JAKMIP3: variants seen among roughly 807,000 people sequenced by gnomAD.
JAKMIP3 encodes janus kinase and microtubule-interacting protein 3.
A neutral mutation model predicts 118.5 loss-of-function variants in JAKMIP3; 58 were observed. The observed-to-expected ratio is 0.49, with a 90% CI of 0.40 to 0.61. The LOEUF (loss-of-function observed/expected upper bound fraction) is 0.61, where lower values mean the gene tolerates loss of function less well. Ranked by LOEUF, JAKMIP3 falls within the 20% of genes least tolerant of loss-of-function variation. JAKMIP3 has a pLI of 0.00. For synonymous variants in JAKMIP3, 486 were observed against 451.2 expected (o/e 1.08, Z -0.98); for missense variants, 950 against 1,109.0 (o/e 0.86, Z 2.04).
Position 132,117,093 on chromosome 10 carries a change from G to A in JAKMIP3, c.152G>A (p.Arg51His), listed in dbSNP as rs371348426. The A allele has an allele frequency of 7.0e-5, 112 of 1,607,406 alleles. No homozygotes were observed. Among genetic ancestry groups the A allele is most frequent in the East Asian group, 9.0e-5 (4 of 44,692 alleles). ...QEKSKVSKVE[R>H]EKNQELRQVR... Reference sequence around the variant, plus strand: ...GTCTTTCAGGTCAGCAAAGTGGAACGCGAGAAGAACCAGGAGCTGCGGCAG... The same window carrying A: ...GTCTTTCAGGTCAGCAAAGTGGAACACGAGAAGAACCAGGAGCTGCGGCAG... The change falls in exon 3 of 24, where the codon CGC becomes CAC. Residue 51 changes from arginine to histidine, a missense_variant. Physicochemically the swap from Arg to His is conservative, Grantham distance 29. Coordinates refer to ENST00000684848, the MANE Select transcript of JAKMIP3 (RefSeq NM_001323087.2). The surrounding 1 kb of genome is among the most constrained non-coding windows in gnomAD (Gnocchi z 8.6).
intron 14 of JAKMIP3, among the ~76,000 whole-genome samples, 176 bp downstream of exon 14, chr10:132,148,226 C>T (rs539526831): frequency 2.8e-4 from 43 of 152,198 alleles, no homozygotes; most frequent in Non-Finnish European, 4.8e-4. Flanking sequence ...TCATACCGGC[C>T]GTCCAAACAT....
At chr10:132,045,749 T>C (rs935549392) in intron 1 of JAKMIP3, among the ~76,000 whole-genome samples, 1 of 151,752 alleles carries the variant, frequency 6.6e-6, no homozygotes, top group African/African-American at 2.4e-5. Context: ...GACAATATAG[T>C]AAGACCCCAT....
At chr10:132,104,586 G>C (rs10870251) in intron 1 of JAKMIP3, 86 bp from the exon 2 acceptor site, 4 of 565,696 alleles carry the variant, frequency 7.1e-6, no homozygotes, top group Non-Finnish European at 1.3e-5. Flanking sequence ...GGGGGTCCAC[G>C]TGCCCCTGCC....
chr10:132,164,446 A>G (rs996362348), intron 20 of JAKMIP3, among the ~76,000 whole-genome samples: 2 of 152,168 alleles, frequency 1.3e-5, no homozygotes, highest in African/African-American at 4.8e-5. Flanking sequence ...CAGGAATTGG[A>G]AGGATATTGT....
At position 132,182,914 on chromosome 10, in the gene JAKMIP3, G is replaced by C. The variant is rs2061604895; in HGVS notation, c.*1661G>C. On this transcript the variant is annotated 3_prime_UTR_variant, in exon 24 of 24. Transcript: ENST00000684848. ...GGCTGCAGGATTTTTGCTGGAAAAT[G>C]CACTATTAATCAGCACTTGTCCAAG... 1 of 152,082 alleles carries C rather than the reference G, an allele frequency of 6.6e-6. No individual in the cohort carries two copies. Among genetic ancestry groups the C allele is most frequent in the African/African-American group, 2.4e-5 (1 of 41,400 alleles). The allele number at this position is 152,082 out of a possible 1,614,324, so 9.4% of individuals were successfully genotyped here. A position where few individuals can be genotyped will look rare whatever the true frequency, so the allele number is the denominator to read the frequency against.
At chr10:132,038,478 C>T (rs1335241905) in intron 1 of JAKMIP3, among the ~76,000 whole-genome samples, 1 of 152,100 alleles carries the variant, frequency 6.6e-6, no homozygotes, top group African/African-American at 2.4e-5. Context: ...AAAAAGACGA[C>T]ACAAAAGAAA....
chr10:132,138,063 T>A, intron 8 of JAKMIP3, 56 bp from the exon 9 acceptor site: 1 of 1,528,708 alleles, frequency 6.5e-7, no homozygotes, highest in Non-Finnish European at 9.0e-7. Context: ...AACCGTGGAC[T>A]GAAACCGGTG....
upstream of JAKMIP3, among the ~76,000 whole-genome samples, chr10:132,060,893 G>A (rs1333485075): frequency 6.6e-6 from 1 of 152,102 alleles, no homozygotes; most frequent in Non-Finnish European, 1.5e-5. Context: ...GGTGGTGGGT[G>A]CCTGTAATCC....
In JAKMIP3 at chr10:132,167,063, T is replaced by G. The variant is rs1181317889; in HGVS notation, c.*22+8T>G. The G allele has an allele frequency of 1.9e-6, 3 of 1,542,194 alleles. No individual in the cohort carries two copies. The African/African-American group carries it at 4.1e-5, about 21-fold the overall frequency. ...TCTTGGCACCCTGACGTGGTGAGTATTTCGTTGGCAGGGCCCAGCAGGGGT... is the reference window on the plus strand; with the variant it reads ...TCTTGGCACCCTGACGTGGTGAGTAGTTCGTTGGCAGGGCCCAGCAGGGGT... On this transcript the variant is annotated splice_region_variant and intron_variant, in intron 22 of 23. Transcript: ENST00000684848.
At chr10:132,042,007 C>CA (rs2037772163) in intron 1 of JAKMIP3, among the ~76,000 whole-genome samples, 1 of 152,070 alleles carries the variant, frequency 6.6e-6, no homozygotes, top group South Asian at 2.1e-4. Flanking sequence ...GCTGGGATTA[C>CA]AGGCATGTGC....
intron 5 of JAKMIP3, among the ~76,000 whole-genome samples, chr10:132,135,664 A>C (rs2051609936): frequency 6.6e-6 from 1 of 152,200 alleles, no homozygotes; most frequent in Non-Finnish European, 1.5e-5. Flanking sequence ...GGGGACGCCG[A>C]GCCCAGCCCT....
intron 19 of JAKMIP3, among the ~76,000 whole-genome samples, chr10:132,162,032 A>G (rs1436906240): frequency 1.4e-5 from 2 of 139,994 alleles, no homozygotes; most frequent in African/African-American, 4.9e-5. Context: ...GTTCTCTCCT[A>G]TGTCGTTCAT....
At position 132,118,470 on chromosome 10, in the gene JAKMIP3, T is replaced by G. The variant is rs2048065185; in HGVS notation, c.633+896T>G. Among the ~76,000 whole-genome samples the G allele has an allele frequency of 1.3e-5, 2 of 152,172 alleles. No individual in the cohort carries two copies. ...GGGCACCTTGGGTGGGATGCAGTGG[T>G]CTTTCCACGGGGCGTGGCTGTGCAC... On this transcript the variant is annotated intron_variant, in intron 3 of 23. Coordinates refer to ENST00000684848, the MANE Select transcript of JAKMIP3 (RefSeq NM_001323087.2). The surrounding 1 kb of genome is among the most constrained non-coding windows in gnomAD (Gnocchi z 4.8).
chr10:132,149,355 C>A, intron 14 of JAKMIP3, 57 bp from the exon 15 acceptor site: 1 of 1,185,784 alleles, frequency 8.4e-7, no homozygotes, highest in Non-Finnish European at 1.2e-6. Flanking sequence ...CAGCACAGTC[C>A]TCTTAGAGGG....
rs2135742743 is a variant in JAKMIP3 at position 132,135,040 on chromosome 10, G to A, written c.850-1G>A. 6.2e-7 allele frequency: 1 copy of A among 1,612,926 alleles called. No individual in the cohort carries two copies. The highest frequency in any genetic ancestry group is 8.5e-7 in the Non-Finnish European group (1 of 1,178,994). On this transcript the variant is annotated splice_acceptor_variant, in intron 4 of 23. Transcript: ENST00000684848. LOFTEE classifies it high-confidence loss of function. ...TTATTTGCAGTTGATTTTTGTTTTA[G>A]GAACAGCAGTTGGATGAAAAAGATG...
chr10:132,147,801 C>G, intron 13 of JAKMIP3, 151 bp from the exon 14 acceptor site: 2 of 579,098 alleles, frequency 3.5e-6, no homozygotes, highest in Non-Finnish European at 6.2e-6. Flanking sequence ...CCCAAACATA[C>G]CGAGGGCTGT....
At chr10:132,108,877 A>ACG (rs2046317958) in intron 2 of JAKMIP3, among the ~76,000 whole-genome samples, 3 of 138,004 alleles carry the variant, frequency 2.2e-5, no homozygotes, top group South Asian at 4.6e-4. Context: ...TAAATTATAT[A>ACG]CACAAATGTA....
intron 14 of JAKMIP3, 83 bp downstream of exon 14, chr10:132,148,133 T>C (rs2055014004): frequency 1.9e-6 from 1 of 521,470 alleles, no homozygotes; most frequent in East Asian, 3.4e-5. Context: ...CACAAAGCCC[T>C]GAACATGAAC....
intron 5 of JAKMIP3, among the ~76,000 whole-genome samples, 161 bp from the exon 6 acceptor site, chr10:132,135,769 C>T (rs902622088): frequency 4.0e-5 from 6 of 151,780 alleles, no homozygotes; most frequent in South Asian, 2.1e-4. Flanking sequence ...TTCACCCGGG[C>T]GCTGGGCCAG....
Sources: gnomAD v4.1 joint callset for allele counts (sites outside exome capture counted in the v4.1 genomes callset) on GRCh38, gnomAD v4.1.1 for gene constraint, Gnocchi (gnomAD v3.1) non-coding constraint, MANE v1.5 for transcripts, NCBI Gene and HGNC (gene_info 2026-07-23, HGNC 2026-07-21) for gene names.